Variants in PTGER3 observed in about 807,000 individuals in gnomAD.
PTGER3 encodes the protein prostaglandin E2 receptor EP3 subtype.
PTGER3 carries 22 observed loss-of-function variants against 34.7 expected under a neutral mutation model. The observed-to-expected ratio is 0.63, with a 90% CI of 0.45 to 0.91. The LOEUF is 0.91. Ranked by LOEUF, PTGER3 falls within the 40% of genes least tolerant of loss-of-function variation. The probability of loss-of-function intolerance (pLI) is 0.00; values close to 1 mark genes in which losing one functional copy is unlikely to be tolerated. For missense variants in PTGER3, 468 were observed against 519.4 expected (o/e 0.90, Z 0.96); for synonymous variants, 241 against 230.1 (o/e 1.05, Z -0.43).
Position 70,971,263 on chromosome 1 carries a change from T to C in PTGER3, c.*467A>G. ...TCATTTGCTTTTATATGTCGTTAAGTTCATATCCTATTAATTGAATTATCA... is the reference window on the plus strand; with the variant it reads ...TCATTTGCTTTTATATGTCGTTAAGCTCATATCCTATTAATTGAATTATCA... On this transcript the variant is annotated 3_prime_UTR_variant, in exon 4 of 4. Coordinates refer to ENST00000306666, the MANE Select transcript of PTGER3 (RefSeq NM_198719.2). 1 of 985,862 alleles carries C rather than the reference T, an allele frequency of 1.0e-6. No individual in the cohort carries two copies. The highest frequency in any genetic ancestry group is 1.2e-6 in the Non-Finnish European group (1 of 830,218). 61.1% of individuals were successfully genotyped at this position (985,862 alleles called of 1,614,324 possible). A position where few individuals can be genotyped will look rare whatever the true frequency, so the allele number is the denominator to read the frequency against.
intron 4 of PTGER3, among the ~76,000 whole-genome samples, chr1:70,922,004 A>C (rs182310851): frequency 6.6e-6 from 1 of 152,326 alleles, no homozygotes; most frequent in African/African-American, 2.4e-5. Context: ...TAAAATAAGG[A>C]CAATTTTGTT....
At chr1:70,925,690 G>A (rs140034741) in intron 4 of PTGER3, among the ~76,000 whole-genome samples, 102 of 152,190 alleles carry the variant, frequency 6.7e-4, no homozygotes, top group Admixed American at 2.7e-3. Flanking sequence ...AAATACATAT[G>A]TTGTAAATAC....
chr1:70,989,040 C>G (rs189508463), intron 2 of PTGER3, among the ~76,000 whole-genome samples: 7 of 152,088 alleles, frequency 4.6e-5, no homozygotes, highest in Admixed American at 2.6e-4. Context: ...ATTCCCCCCC[C>G]AAAACTTGTA....
At chr1:71,029,213 T>A (rs1659193175) in intron 1 of PTGER3, among the ~76,000 whole-genome samples, 1 of 152,230 alleles carries the variant, frequency 6.6e-6, no homozygotes, top group Admixed American at 6.5e-5. Context: ...TTCATTCATT[T>A]CACAATCATT....
intron 4 of PTGER3, among the ~76,000 whole-genome samples, chr1:70,890,978 T>C (rs1463591886): frequency 6.6e-6 from 1 of 152,250 alleles, no homozygotes; most frequent in African/African-American, 2.4e-5. Context: ...CCTATTGACA[T>C]GCTGTCCTCT....
At chr1:71,036,270 C>A (rs1323276982) in intron 1 of PTGER3, among the ~76,000 whole-genome samples, 1 of 152,138 alleles carries the variant, frequency 6.6e-6, no homozygotes, top group Non-Finnish European at 1.5e-5. Flanking sequence ...CCTCTTCTCT[C>A]AAGATTTGAA....
chr1:70,945,522 A>G (rs540613962), intron 4 of PTGER3, among the ~76,000 whole-genome samples: 1 of 152,170 alleles, frequency 6.6e-6, no homozygotes, highest in South Asian at 2.1e-4. Context: ...ATACAACCTA[A>G]TAGGACTTGA....
intron 4 of PTGER3, among the ~76,000 whole-genome samples, chr1:70,929,692 C>T (rs1008601656): frequency 2.6e-4 from 39 of 152,248 alleles, no homozygotes; most frequent in East Asian, 3.9e-4. Flanking sequence ...AAGTTACTGA[C>T]GAACGATGGA....
At chr1:70,871,963 G>C (rs1572509423) in intron 4 of PTGER3, among the ~76,000 whole-genome samples, 1 of 152,048 alleles carries the variant, frequency 6.6e-6, no homozygotes, top group African/African-American at 2.4e-5. Flanking sequence ...TTTCATCAAG[G>C]TCACTAGACT....
intron 4 of PTGER3, among the ~76,000 whole-genome samples, chr1:70,934,292 G>A (rs181350256): frequency 1.2e-4 from 18 of 152,226 alleles, no homozygotes; most frequent in African/African-American, 4.3e-4. Flanking sequence ...TTAGGCTACC[G>A]CATATTGTTC....
downstream of PTGER3, among the ~76,000 whole-genome samples, chr1:70,966,419 A>G (rs902055971): frequency 5.9e-5 from 9 of 152,186 alleles, no homozygotes; most frequent in Non-Finnish European, 7.3e-5. Flanking sequence ...AAATGAATAT[A>G]AAAAAAGAAG....
At chr1:70,903,705 G>A (rs1646887559) in intron 4 of PTGER3, among the ~76,000 whole-genome samples, 1 of 152,114 alleles carries the variant, frequency 6.6e-6, no homozygotes, top group African/African-American at 2.4e-5. Context: ...CCAGACTGGG[G>A]AATAAACCAG....
chr1:70,862,317 A>G, intron 4 of PTGER3: 5 of 1,360,078 alleles, frequency 3.7e-6, no homozygotes, highest in Non-Finnish European at 4.9e-6. Flanking sequence ...CTGCTGTCAA[A>G]ATAGTTCACA....
At chr1:70,865,937 C>A (rs1003238014) in intron 4 of PTGER3, 5 of 582,708 alleles carry the variant, frequency 8.6e-6, no homozygotes, top group Non-Finnish European at 1.3e-5. Context: ...GACTGTCATC[C>A]GGGAAATTCC....
In PTGER3 at chr1:71,047,200, C is replaced by G; in HGVS notation, c.378G>C (p.Ser126=). 6.3e-7 allele frequency: 1 copy of G among 1,598,424 alleles called. No individual in the cohort carries two copies. The highest frequency in any genetic ancestry group is 1.1e-5 in the South Asian group (1 of 89,174). ...GCCCGAAAAAGGTGCAGAGCCGCCC[C>G]GACGGGTCGATGTGCTCCCAACGCT... ...SKQRWEHIDP[S]GRLCTFFGLT... The change falls in exon 1 of 4, where the codon TCG becomes TCC. Residue 126 remains serine, a synonymous_variant. Transcript: ENST00000306666.
chr1:71,036,824 A>G (rs2744899), intron 1 of PTGER3, among the ~76,000 whole-genome samples: 140,833 of 151,386 alleles, frequency 0.93, 65,649 homozygotes, highest in East Asian at 1. Context: ...GGGTGACAGA[A>G]CGAGACTTTG....
chr1:70,911,458 A>G (rs1184188606), intron 4 of PTGER3, among the ~76,000 whole-genome samples: 3 of 152,162 alleles, frequency 2.0e-5, no homozygotes, highest in African/African-American at 7.2e-5. Context: ...GAAATCTGGT[A>G]GTACCCAGGT....
chr1:70,952,657 A>G, exon 4 of PTGER3: 13 of 1,100,766 alleles, frequency 1.2e-5, no homozygotes, highest in Non-Finnish European at 1.4e-5. Context: ...CAGTCTTGGC[A>G]ATTCTGAACC....
intron 1 of PTGER3, among the ~76,000 whole-genome samples, chr1:71,039,649 C>CAAAAAA (rs1183485427): frequency 5.5e-5 from 3 of 54,466 alleles, no homozygotes; most frequent in Admixed American, 4.1e-4. Flanking sequence ...GACTCTGTCT[C>CAAAAAA]AAAAAAAAAA....
Sources: gnomAD v4.1 joint callset for allele counts (sites outside exome capture counted in the v4.1 genomes callset) on GRCh38, gnomAD v4.1.1 for gene constraint, MANE v1.5 for transcripts, NCBI Gene and HGNC (gene_info 2026-07-23, HGNC 2026-07-21) for gene names.